The following GRK1 variants were observed in gnomAD, a reference collection of about 807,000 sequenced individuals.
GRK1 encodes the protein rhodopsin kinase GRK1.
GRK1 carries 28 observed loss-of-function variants against 41.7 expected under a neutral mutation model. The observed-to-expected ratio is 0.67, with a 90% CI of 0.50 to 0.92. The LOEUF (loss-of-function observed/expected upper bound fraction) is 0.92, where lower values mean the gene tolerates loss of function less well. Ranked by LOEUF, GRK1 falls within the 40% of genes least tolerant of loss-of-function variation. The pLI, the probability that GRK1 is intolerant of heterozygous loss-of-function variation, is 0.00. For missense variants in GRK1, 703 were observed against 671.2 expected, an observed-to-expected ratio of 1.05 and a Z score of -0.52; for synonymous variants, 327 against 286.7, an observed-to-expected ratio of 1.14 and a Z score of -1.42.
chr13:113,736,818 T>C lies in GRK1; in HGVS notation c.*1455T>C, dbSNP rs1469813531. On this transcript the variant is annotated 3_prime_UTR_variant, in exon 7 of 7. Coordinates refer to ENST00000335678, the MANE Select transcript of GRK1 (RefSeq NM_002929.3). ...GTGAGCCTTGGGGCAGAGCTGGTGGTAGAAAGAAGCCCTGTCTACTCTAAT... is the reference window on the plus strand; with the variant it reads ...GTGAGCCTTGGGGCAGAGCTGGTGGCAGAAAGAAGCCCTGTCTACTCTAAT... 6.6e-6 allele frequency: 1 copy of C among 152,242 alleles called. No homozygotes were observed. Among genetic ancestry groups the C allele is most frequent in the African/African-American group, 2.4e-5 (1 of 41,464 alleles). 9.4% of individuals were successfully genotyped at this position (152,242 alleles called of 1,614,324 possible).
At chr13:113,653,141 C>G in the GRK1 span, 4 of 1,537,432 alleles carry the variant, frequency 2.6e-6, no homozygotes, top group Non-Finnish European at 3.5e-6. Context: ...CCCGGGAAGG[C>G]CTTGCAAGCC....
the GRK1 span, among the ~76,000 whole-genome samples, chr13:113,650,119 TAA>T: frequency 1.3e-5 from 2 of 150,342 alleles, no homozygotes; most frequent in Admixed American, 1.3e-4. The surrounding 1 kb of genome is among the most constrained non-coding windows in gnomAD (Gnocchi z 5.0). Context: ...GCTAAGATGC[TAA>T]GATTGCATTG....
rs572186084 is a variant in GRK1, at chr13:113,733,924, G to A, written c.1396+839G>A. 2.6e-3 allele frequency among the ~76,000 whole-genome samples: 197 copies of A among 74,606 alleles called. 2 individuals are homozygous for A. The highest frequency in any genetic ancestry group is 7.7e-3 in the African/African-American group (180 of 23,350). The allele number at this position is 74,606 out of a possible 152,430, so 48.9% of individuals were successfully genotyped here. ...ATGTGTGCATACAGTGTGCGTGTGT[G>A]CATGTGTGCATACGTGTGTGCGTGT... On this transcript the variant is annotated intron_variant, in intron 6 of 6. Coordinates refer to ENST00000335678, the MANE Select transcript of GRK1 (RefSeq NM_002929.3).
chr13:113,723,583 A>G (rs558461054), intron 4 of GRK1, among the ~76,000 whole-genome samples: 3 of 152,266 alleles, frequency 2.0e-5, no homozygotes, highest in South Asian at 4.1e-4. Context: ...TGAGTTTCTG[A>G]TGAGTCTCTC....
At position 113,732,538 on chromosome 13, in the gene GRK1, C is replaced by G. The variant is rs371052842; in HGVS notation, c.1195-346C>G. On this transcript the variant is annotated intron_variant, in intron 5 of 6. Coordinates refer to ENST00000335678, the MANE Select transcript of GRK1 (RefSeq NM_002929.3). ...AAGACAACAGAGCCACCGAGGCTTC[C>G]GTCCACCGTGGTGGAGTGAAAACGG... is the stretch of plus-strand genomic sequence containing the variant. Among the ~76,000 whole-genome samples the G allele has an allele frequency of 3.3e-4, 51 of 152,358 alleles. No homozygotes were observed. In the East Asian group the frequency reaches 6.7e-3, roughly 20 times the overall value.
chr13:113,661,807 T>C, the GRK1 span, among the ~76,000 whole-genome samples: 1 of 152,210 alleles, frequency 6.6e-6, no homozygotes, highest in Non-Finnish European at 1.5e-5. Context: ...AAATAGCCTA[T>C]AACTATTAAG....
Position 113,733,103 on chromosome 13 carries a change from A to T in GRK1, c.1396+18A>T. ...GGAGGCTGGTACTGTTGGACGCCTC[A>T]GCCCCGGAGAGGGTGGGGTTCTGTG... On this transcript the variant is annotated intron_variant, in intron 6 of 6. Transcript: ENST00000335678. The T allele has an allele frequency of 6.5e-7, 1 of 1,529,932 alleles. No homozygotes were observed. The highest frequency in any genetic ancestry group is 8.7e-7 in the Non-Finnish European group (1 of 1,143,254). 94.8% of individuals were successfully genotyped at this position (1,529,932 alleles called of 1,614,324 possible).
upstream of GRK1, among the ~76,000 whole-genome samples, chr13:113,666,611 G>A (rs775192606): frequency 2.4e-4 from 36 of 152,162 alleles, no homozygotes; most frequent in Admixed American, 5.9e-4. Context: ...ATGTAGCTCC[G>A]GGGATCTTCT....
chr13:113,733,816 T>C (rs1324196135), intron 6 of GRK1, among the ~76,000 whole-genome samples: 17 of 145,652 alleles, frequency 1.2e-4, no homozygotes, highest in African/African-American at 3.7e-4. Flanking sequence ...TGTGCATACG[T>C]GTGTGCGTGT....
At chr13:113,732,777 C>T in intron 5 of GRK1, 107 bp from the exon 6 acceptor site, 1 of 1,240,456 alleles carries the variant, frequency 8.1e-7, no homozygotes, top group Non-Finnish European at 1.1e-6. Flanking sequence ...TCATGGGTCC[C>T]CCACCCGCGT....
At chr13:113,654,803 C>T in the GRK1 span, 53 of 1,612,628 alleles carry the variant, frequency 3.3e-5, no homozygotes, top group South Asian at 2.0e-4. Flanking sequence ...GGCAACATCC[C>T]GGGCGCTTAC....
chr13:113,670,794 G>A (rs2049851782), intron 2 of GRK1, among the ~76,000 whole-genome samples: 1 of 148,658 alleles, frequency 6.7e-6, no homozygotes, highest in African/African-American at 2.5e-5. Flanking sequence ...GGGAAACGCA[G>A]ACACGGGGGT....
chr13:113,665,837 C>T (rs1346539606), upstream of GRK1, among the ~76,000 whole-genome samples: 1 of 148,650 alleles, frequency 6.7e-6, no homozygotes, highest in Non-Finnish European at 1.5e-5. Context: ...TCAGGTGTCT[C>T]AGGTGTGCCC....
chr13:113,649,249 A>G, the GRK1 span: 3 of 1,212,092 alleles, frequency 2.5e-6, no homozygotes, highest in Non-Finnish European at 2.3e-6. This position sits in a 1 kb window ranked among gnomAD's most constrained non-coding sequence, Gnocchi z 4.7. Flanking sequence ...GCACACTGAC[A>G]ACACCGTTGC....
the GRK1 span, among the ~76,000 whole-genome samples, chr13:113,658,649 C>T: frequency 2.6e-5 from 4 of 152,302 alleles, no homozygotes; most frequent in African/African-American, 2.4e-5. Flanking sequence ...GCGGCCGCCC[C>T]GATTCTGGGT....
At position 113,667,733 on chromosome 13, in the gene GRK1, A is replaced by G. The variant is rs940831399; in HGVS notation, c.347A>G (p.Asp116Gly). Reference protein sequence around the residue: ...KAQTILAQYLDPQAKLFCSFL... With the variant: ...KAQTILAQYLGPQAKLFCSFL... ...CAGACCATCCTGGCCCAGTACCTGG[A>G]CCCCCAGGCCAAACTCTTCTGCAGC... Residue 116 changes from aspartate (D) to glycine (G), a missense_variant, in exon 1 of 7, where the codon GAC (aspartate) becomes GGC (glycine). By Grantham distance (94) the Asp-to-Gly change is moderately conservative. Coordinates refer to ENST00000335678, the MANE Select transcript of GRK1 (RefSeq NM_002929.3). This position sits in a 1 kb window ranked among gnomAD's most constrained non-coding sequence, Gnocchi z 7.5. 4.3e-6 allele frequency: 7 copies of G among 1,613,726 alleles called. No individual in the cohort carries two copies. The African/African-American group carries it at 5.3e-5, about 12-fold the overall frequency.
the GRK1 span, chr13:113,650,298 A>T: frequency 3.6e-5 from 39 of 1,092,568 alleles, no homozygotes; most frequent in East Asian, 1.0e-3. This position sits in a 1 kb window ranked among gnomAD's most constrained non-coding sequence, Gnocchi z 5.0. Context: ...CGGCTAAGTC[A>T]CACCTTTGTT....
intron 6 of GRK1, among the ~76,000 whole-genome samples, chr13:113,733,991 T>TGTGC (rs879290691): frequency 7.1e-6 from 1 of 140,298 alleles, no homozygotes; most frequent in South Asian, 2.1e-4. Flanking sequence ...TGTGTGTGCA[T>TGTGC]ACATGTGTGT....
intron 1 of GRK1, 140 bp downstream of exon 1, chr13:113,668,225 G>A (rs963956882): frequency 1.4e-5 from 12 of 882,000 alleles, no homozygotes; most frequent in East Asian, 1.3e-4. Context: ...TGCCAGCCTC[G>A]CCACGTGGGC....
Sources: gnomAD v4.1 joint callset for allele counts (sites outside exome capture counted in the v4.1 genomes callset) on GRCh38, gnomAD v4.1.1 for gene constraint, Gnocchi (gnomAD v3.1) non-coding constraint, MANE v1.5 for transcripts, NCBI Gene and HGNC (gene_info 2026-07-23, HGNC 2026-07-21) for gene names.